Variants in SEMA6A observed in about 807,000 individuals in gnomAD.
The protein encoded by SEMA6A is semaphorin-6A.
A neutral mutation model predicts 96.8 loss-of-function variants in SEMA6A; 25 were observed. That is an observed-to-expected ratio of 0.26 (90% CI 0.19 to 0.36). SEMA6A has a LOEUF of 0.36. Among genes scored for constraint, SEMA6A ranks in the 10% least tolerant of loss-of-function variants. The pLI is 1.00. For synonymous variants in SEMA6A, 612 were observed against 518.0 expected (o/e 1.18, Z -2.46); for missense variants, 1,363 against 1,323.1 (o/e 1.03, Z -0.47).
chr5:116,475,424 C>A, intron 16 of SEMA6A, 121 bp downstream of exon 16: 1 of 582,784 alleles, frequency 1.7e-6, no homozygotes, highest in Non-Finnish European at 3.0e-6. Context: ...AGATGATTTC[C>A]GTCATTTACG....
At chr5:116,477,264 A>T (rs1390842537) in intron 15 of SEMA6A, among the ~76,000 whole-genome samples, 421 of 152,358 alleles carry the variant, frequency 2.8e-3, no homozygotes, top group Non-Finnish European at 4.7e-3. Flanking sequence ...CACCAAAATC[A>T]TAGGCATGGT....
In SEMA6A at chr5:116,491,057, C is replaced by A. The variant is rs184839786; in HGVS notation, c.535+683G>T. On this transcript the variant is annotated intron_variant, in intron 7 of 18. Transcript: ENST00000343348. ...GCCTAAGCAATTAGCACCCTCCCCT[C>A]ACCCACCATAGTCTTTTGGTCAGAG... 1.5e-4 allele frequency among the ~76,000 whole-genome samples: 23 copies of A among 152,324 alleles called. No homozygotes were observed. The East Asian group carries it at 4.2e-3, about 28-fold the overall frequency.
rs1431806410 is a variant in SEMA6A at position 116,497,348 on chromosome 5, C to T, written c.258G>A (p.Thr86=). 7 of 1,598,378 alleles carry T rather than the reference C, an allele frequency of 4.4e-6. No homozygotes were observed. The highest frequency in any genetic ancestry group is 6.0e-6 in the Non-Finnish European group (7 of 1,167,090). Residue 86 remains threonine, a synonymous_variant, in exon 4 of 19, where the codon ACG becomes ACA. Coordinates refer to ENST00000343348, the MANE Select transcript of SEMA6A (RefSeq NM_020796.5). ...IYTVDIDTSH[T]EEIYCSKKLT... ...TTACTTTGCTACAATAAATTTCTTC[C>T]GTGTGTGATGTGTCTATATCAACAG...
intron 1 of SEMA6A, among the ~76,000 whole-genome samples, chr5:116,527,761 A>G (rs1580477462): frequency 6.6e-6 from 1 of 151,074 alleles, no homozygotes; most frequent in Admixed American, 6.6e-5. Flanking sequence ...ATAACGTGAC[A>G]GTTAGTAACG....
chr5:116,562,556 G>A (rs1206927810), intron 1 of SEMA6A: 4 of 585,504 alleles, frequency 6.8e-6, no homozygotes, highest in African/African-American at 1.9e-5. Flanking sequence ...GAGACAACGT[G>A]CAGAAATGGC....
At chr5:116,461,314 C>G (rs1411876455) in intron 18 of SEMA6A, among the ~76,000 whole-genome samples, 3 of 152,094 alleles carry the variant, frequency 2.0e-5, no homozygotes, top group Non-Finnish European at 4.4e-5. Context: ...AAGTGAAAAC[C>G]CTTACCCTCC....
intron 6 of SEMA6A, among the ~76,000 whole-genome samples, chr5:116,493,632 T>C (rs972886179): frequency 5.9e-5 from 9 of 152,126 alleles, no homozygotes; most frequent in Non-Finnish European, 1.2e-4. Flanking sequence ...CATTTCCAAG[T>C]GTAAGATGGA....
At chr5:116,460,453 A>G (rs1341560332) in intron 18 of SEMA6A, among the ~76,000 whole-genome samples, 3 of 152,220 alleles carry the variant, frequency 2.0e-5, no homozygotes, top group Non-Finnish European at 4.4e-5. Flanking sequence ...TAGATCTTAT[A>G]TATTCACTGA....
At chr5:116,546,640 A>G (rs944416179) in intron 1 of SEMA6A, among the ~76,000 whole-genome samples, 5 of 152,254 alleles carry the variant, frequency 3.3e-5, no homozygotes, top group Non-Finnish European at 7.3e-5. Flanking sequence ...TTACTTGCCA[A>G]GCTGACTGTA....
intron 7 of SEMA6A, among the ~76,000 whole-genome samples, chr5:116,490,321 A>G (rs1757270109): frequency 6.6e-6 from 1 of 152,166 alleles, no homozygotes; most frequent in African/African-American, 2.4e-5. Flanking sequence ...AAGACTATAG[A>G]ATATGTATTC....
chr5:116,572,715 A>G (rs1191874379), intron 1 of SEMA6A, among the ~76,000 whole-genome samples: 1 of 152,134 alleles, frequency 6.6e-6, no homozygotes, highest in African/African-American at 2.4e-5. Flanking sequence ...CTTGTCGAGC[A>G]AGTACCGCGG....
At chr5:116,486,563 CTAACT>C in intron 10 of SEMA6A, 181 bp downstream of exon 10, 1 of 556,922 alleles carries the variant, frequency 1.8e-6, no homozygotes, top group South Asian at 2.6e-5. Flanking sequence ...CCCCTAAAAC[CTAACT>C]TAATAGTGCT....
chr5:116,447,255 G>C lies in SEMA6A; in HGVS notation c.2451C>G (p.Val817=). The C allele has an allele frequency of 6.2e-7, 1 of 1,613,966 alleles. No homozygotes were observed. Among genetic ancestry groups the C allele is most frequent in the Non-Finnish European group, 8.5e-7 (1 of 1,179,908 alleles). The change falls in exon 19 of 19, where the codon GTC becomes GTG. Residue 817 remains valine, a synonymous_variant. Transcript: ENST00000343348. ...ASPSHIPSVV[V]LPITQQGYQH... ...GGTAGCCCTGCTGCGTGATGGGCAG[G>C]ACCACCACGCTGGGGATGTGGCTGG...
At chr5:116,452,795 GTTTC>G (rs1436899968) in intron 18 of SEMA6A, among the ~76,000 whole-genome samples, 2 of 152,196 alleles carry the variant, frequency 1.3e-5, no homozygotes, top group East Asian at 3.8e-4. Context: ...GGGTTGGGTT[GTTTC>G]TTTATTATCA....
rs755916271 is a variant in SEMA6A, at chr5:116,477,828, A to C, written c.1649+18T>G. Reference sequence around the variant, plus strand: ...GCTGGAAGCCACTTCACCCTCTCCCACACCTCAGGCTGCCTACCTGCTGTT... The same window carrying C: ...GCTGGAAGCCACTTCACCCTCTCCCCCACCTCAGGCTGCCTACCTGCTGTT... On this transcript the variant is annotated intron_variant, in intron 15 of 18. Transcript: ENST00000343348. 4 of 1,612,828 alleles carry C rather than the reference A, an allele frequency of 2.5e-6. No individual in the cohort carries two copies. The highest frequency in any genetic ancestry group is 2.7e-5 in the African/African-American group (2 of 74,888).
intron 18 of SEMA6A, among the ~76,000 whole-genome samples, chr5:116,451,967 G>GA (rs11327401): frequency 0.04 from 5,948 of 147,212 alleles, 359 homozygotes; most frequent in African/African-American, 0.13. Flanking sequence ...TGAATAATTA[G>GA]AAAAAAAAAA....
At chr5:116,458,954 C>T (rs903309334) in intron 18 of SEMA6A, among the ~76,000 whole-genome samples, 2 of 152,230 alleles carry the variant, frequency 1.3e-5, no homozygotes, top group Admixed American at 6.5e-5. Flanking sequence ...GAGCCCAGCA[C>T]CTGACTTGCT....
At chr5:116,468,453 T>C (rs1391620293) in intron 17 of SEMA6A, 2 of 152,234 alleles carry the variant, frequency 1.3e-5, no homozygotes, top group African/African-American at 2.4e-5. Context: ...ATTATTTCAA[T>C]AGATGGTTTC....
chr5:116,480,987 C>T (rs1474407688), intron 11 of SEMA6A, among the ~76,000 whole-genome samples: 1 of 152,154 alleles, frequency 6.6e-6, no homozygotes, highest in South Asian at 2.1e-4. Context: ...ACACTGAAAC[C>T]CATCTTGTCC....
Sources: gnomAD v4.1 joint callset for allele counts (sites outside exome capture counted in the v4.1 genomes callset) on GRCh38, gnomAD v4.1.1 for gene constraint, MANE v1.5 for transcripts, NCBI Gene and HGNC (gene_info 2026-07-23, HGNC 2026-07-21) for gene names.